Variants in DEPDC5 observed in about 807,000 individuals in gnomAD.
DEPDC5 encodes the protein GATOR1 complex protein DEPDC5.
In DEPDC5, 73 loss-of-function variants were observed where a neutral mutation model predicts 217.3. The observed-to-expected ratio is 0.34, with a 90% CI of 0.28 to 0.41. The LOEUF is 0.41. DEPDC5 is among the 10% of genes least tolerant of loss of function. DEPDC5 has a pLI of 1.00. For synonymous variants in DEPDC5, 733 were observed against 756.7 expected (o/e 0.97, Z 0.51); for missense variants, 1,675 against 2,070.1 (o/e 0.81, Z 3.70).
intron 8 of DEPDC5, among the ~76,000 whole-genome samples, chr22:31,779,127 T>C (rs1384184624): frequency 1.3e-5 from 2 of 152,212 alleles, no homozygotes; most frequent in African/African-American, 2.4e-5. Flanking sequence ...CTACAAGTTA[T>C]GACAGCCAGA....
intron 40 of DEPDC5, among the ~76,000 whole-genome samples, chr22:31,900,743 AAGAAAAAAAAAAGTGGGGGT>A (rs1231840972): frequency 6.6e-6 from 1 of 151,762 alleles, no homozygotes; most frequent in Non-Finnish European, 1.5e-5. Flanking sequence ...TCCTCTCAAA[AAGAAAAAAAAAAGTGGGGGT>A]AGTAGTTGTT....
chr22:31,892,985 C>T (rs548963104), intron 38 of DEPDC5, among the ~76,000 whole-genome samples: 70 of 151,326 alleles, frequency 4.6e-4, no homozygotes, highest in African/African-American at 1.6e-3. Flanking sequence ...GAGCGATTCT[C>T]CTGCCTCAGC....
At chr22:31,874,434 T>C in intron 36 of DEPDC5, 29 bp downstream of exon 36, 2 of 1,588,960 alleles carry the variant, frequency 1.3e-6, no homozygotes, top group Non-Finnish European at 1.7e-6. Context: ...CCCATAGAGC[T>C]GTTTGCTTAG....
intron 34 of DEPDC5, 121 bp downstream of exon 34, chr22:31,870,865 C>A (rs997938623): frequency 1.7e-6 from 2 of 1,145,494 alleles, no homozygotes; most frequent in East Asian, 3.0e-5. Flanking sequence ...AAGTCACATG[C>A]GACCCTGGGC....
chr22:31,906,353 A>G lies in DEPDC5; in HGVS notation c.4668A>G (p.Lys1556=), dbSNP rs1484498248. ...GGGCCTACAACACCATGCTCACCAAAACATGGCGCTCCAGCGCCACAGGGG... is the reference window on the plus strand; with the variant it reads ...GGGCCTACAACACCATGCTCACCAAGACATGGCGCTCCAGCGCCACAGGGG... The part of the protein sequence containing the change: ...YNWAYNTMLT[K]TWRSSATGDE... Residue 1556 remains lysine, a synonymous_variant, in exon 43 of 43, where the codon AAA becomes AAG. Transcript: ENST00000651528. The surrounding 1 kb of genome is among the most constrained non-coding windows in gnomAD (Gnocchi z 5.1). 3.1e-6 allele frequency: 5 copies of G among 1,614,052 alleles called. No individual in the cohort carries two copies. Among genetic ancestry groups the G allele is most frequent in the Non-Finnish European group, 4.2e-6 (5 of 1,179,950 alleles).
Position 31,783,921 on chromosome 22 carries a change from T to C in DEPDC5, c.498T>C (p.Ser166=), listed in dbSNP as rs1569519265. The change falls in exon 9 of 43, where the codon TCT becomes TCC. Residue 166 remains serine (S), a synonymous_variant. Transcript: ENST00000651528. ...ISEDTRVVFR[S]TSAMVYIFIQ... is the part of the protein sequence containing the mutation. ...TTTTATTTCAGGTGGTGTTTCGTTC[T>C]ACGTCGGCTATGGTTTACATATTTA... The C allele has an allele frequency of 6.2e-7, 1 of 1,613,584 alleles. No individual in the cohort carries two copies. The highest frequency in any genetic ancestry group is 1.7e-5 in the Admixed American group (1 of 59,900).
At chr22:31,837,355 T>G in intron 26 of DEPDC5, 200 bp downstream of exon 26, 1 of 619,422 alleles carries the variant, frequency 1.6e-6, no homozygotes, top group East Asian at 3.0e-5. Flanking sequence ...TTTTTTCCTT[T>G]TTTTTTTTTA....
At position 31,830,421 on chromosome 22, in the gene DEPDC5, G is replaced by C. The variant is rs553650846; in HGVS notation, c.2105-3494G>C. 3.3e-5 allele frequency among the ~76,000 whole-genome samples: 5 copies of C among 152,350 alleles called. No homozygotes were observed. In the South Asian group the frequency reaches 1.0e-3, roughly 32 times the overall value. ...ATGAGGTTTCACCTCCATCATTGCA[G>C]GCTGGTGGGACTCTTCATATGCCAA... On this transcript the variant is annotated intron_variant, in intron 24 of 42. Transcript: ENST00000651528.
intron 38 of DEPDC5, among the ~76,000 whole-genome samples, chr22:31,888,219 C>T (rs79240090): frequency 1.4e-5 from 2 of 144,168 alleles, no homozygotes; most frequent in African/African-American, 2.6e-5. Context: ...GCCTTTCCTT[C>T]TCAGCCTTGT....
chr22:31,773,686 T>G (rs1451738218), intron 7 of DEPDC5, among the ~76,000 whole-genome samples: 1 of 148,728 alleles, frequency 6.7e-6, no homozygotes, highest in Non-Finnish European at 1.5e-5. Context: ...GTGAGAAAAA[T>G]AAAGTATAGT....
chr22:31,821,542 A>C lies in DEPDC5; in HGVS notation c.1911A>C (p.Arg637=). 3 of 1,614,230 alleles carry C rather than the reference A, an allele frequency of 1.9e-6. No individual in the cohort carries two copies. Among genetic ancestry groups the C allele is most frequent in the Non-Finnish European group, 2.5e-6 (3 of 1,180,046 alleles). ...GEAIQIHHQT[R]QNMAELQGSG... is the part of the protein sequence containing the mutation. ...CCATCCAGATCCACCACCAGACCCG[A>C]CAGAATATGGCGGAGCTACAAGGCA... The change falls in exon 23 of 43, where the codon CGA becomes CGC. Residue 637 remains arginine, a synonymous_variant. Transcript: ENST00000651528.
intron 19 of DEPDC5, 145 bp downstream of exon 19, chr22:31,809,792 C>T (rs1238672994): frequency 1.1e-5 from 8 of 740,218 alleles, no homozygotes; most frequent in Non-Finnish European, 1.3e-5. Context: ...CCAGCCTTGC[C>T]AACATGGTGA....
chr22:31,768,549 C>T, intron 6 of DEPDC5, among the ~76,000 whole-genome samples: 1 of 152,130 alleles, frequency 6.6e-6, no homozygotes, highest in East Asian at 1.9e-4. Context: ...TAAAGCTGGT[C>T]ATTTATCATC....
chr22:31,874,393 T>C lies in DEPDC5; in HGVS notation c.3684T>C (p.Ile1228=). 6.2e-7 allele frequency: 1 copy of C among 1,612,218 alleles called. No individual in the cohort carries two copies. Among genetic ancestry groups the C allele is most frequent in the Non-Finnish European group, 8.5e-7 (1 of 1,179,290 alleles). The change falls in exon 36 of 43, where the codon ATT becomes ATC. Residue 1228 remains isoleucine (I), a synonymous_variant. Coordinates refer to ENST00000651528, the MANE Select transcript of DEPDC5 (RefSeq NM_001242896.3). The part of the protein sequence containing the change: ...VEGIQTQAMA[I]DIMQKMLEEQ... ...GGATCCAGACACAGGCGATGGCCAT[T>C]GACATCATGCAGGTGAGACAGCAAG...
At chr22:31,867,715 A>G (rs1216975419) in intron 33 of DEPDC5, among the ~76,000 whole-genome samples, 1 of 152,178 alleles carries the variant, frequency 6.6e-6, no homozygotes, top group East Asian at 1.9e-4. Flanking sequence ...AAAGCCTGAA[A>G]TATTTACTCT....
At chr22:31,839,537 C>T (rs1369396083) in intron 27 of DEPDC5, among the ~76,000 whole-genome samples, 1 of 151,934 alleles carries the variant, frequency 6.6e-6, no homozygotes, top group African/African-American at 2.4e-5. Context: ...CCCCTGATCA[C>T]CTAGTGATAA....
chr22:31,870,208 G>C (rs2092803099), intron 33 of DEPDC5, among the ~76,000 whole-genome samples: 1 of 152,186 alleles, frequency 6.6e-6, no homozygotes, highest in Non-Finnish European at 1.5e-5. Flanking sequence ...CATAAGGAGT[G>C]ATTCTGACTT....
At chr22:31,760,478 A>G (rs1188362766) in intron 3 of DEPDC5, among the ~76,000 whole-genome samples, 178 bp from the exon 4 acceptor site, 2 of 152,228 alleles carry the variant, frequency 1.3e-5, no homozygotes, top group Non-Finnish European at 1.5e-5. Context: ...TGCTGGGATT[A>G]CAGGCGTGAG....
In DEPDC5 at chr22:31,857,527, C is replaced by G. The variant is rs1236002324; in HGVS notation, c.3238C>G (p.Pro1080Ala). The G allele has an allele frequency of 1.2e-6, 2 of 1,611,708 alleles. No homozygotes were observed. The part of the protein sequence containing the change: ...SAESSSVAMT[P>A]TYMDSPRKDG... ...CGAGAGCAGCAGCGTTGCCATGACT[C>G]CCACCTACATGGACAGCCCACGAAA... Residue 1080 changes from proline (P) to alanine (A), a missense_variant, in exon 32 of 43, where the codon CCC (proline) becomes GCC (alanine). Pro to Ala is a conservative substitution (Grantham distance 27, BLOSUM62 -1). Around this residue, in one of 11 missense-constraint regions of DEPDC5, gnomAD observed 126 missense variants for 113.8 expected, o/e 1.11. Transcript: ENST00000651528.
Sources: gnomAD v4.1 joint callset for allele counts (sites outside exome capture counted in the v4.1 genomes callset) on GRCh38, gnomAD v4.1.1 for gene constraint, gnomAD v4.1.1 regional missense constraint, Gnocchi (gnomAD v3.1) non-coding constraint, MANE v1.5 for transcripts, NCBI Gene and HGNC (gene_info 2026-07-23, HGNC 2026-07-21) for gene names.